Variants in HS3ST4 observed in about 807,000 individuals in gnomAD.
The protein encoded by HS3ST4 is heparan sulfate-glucosamine 3-sulfotransferase 4.
A neutral mutation model predicts 29.2 loss-of-function variants in HS3ST4; 17 were observed. That is an observed-to-expected ratio of 0.58 (90% CI 0.40 to 0.87). The LOEUF (loss-of-function observed/expected upper bound fraction) is 0.87. HS3ST4 is among the 40% of genes least tolerant of loss of function. HS3ST4 has a pLI of 0.00. For synonymous variants in HS3ST4, 314 were observed against 285.7 expected, an observed-to-expected ratio of 1.10 and a Z score of -1.00; for missense variants, 627 against 634.5, an observed-to-expected ratio of 0.99 and a Z score of 0.13.
chr16:26,018,298 G>A (rs1969379430), intron 1 of HS3ST4, among the ~76,000 whole-genome samples: 1 of 152,164 alleles, frequency 6.6e-6, no homozygotes, highest in African/African-American at 2.4e-5. Context: ...CAGGGACCAG[G>A]GTTTATATCT....
At chr16:26,091,631 T>C (rs1162004236) in intron 1 of HS3ST4, among the ~76,000 whole-genome samples, 1 of 152,166 alleles carries the variant, frequency 6.6e-6, no homozygotes, top group African/African-American at 2.4e-5. Flanking sequence ...CCAAGCCATA[T>C]ATATAGATAT....
At chr16:26,091,468 G>A (rs1214199996) in intron 1 of HS3ST4, among the ~76,000 whole-genome samples, 1 of 152,044 alleles carries the variant, frequency 6.6e-6, no homozygotes, top group Non-Finnish European at 1.5e-5. Context: ...TCTGCTTCTT[G>A]CCGTTCCAAG....
At chr16:26,081,668 A>T (rs557491091) in intron 1 of HS3ST4, among the ~76,000 whole-genome samples, 1 of 152,344 alleles carries the variant, frequency 6.6e-6, no homozygotes, top group Non-Finnish European at 1.5e-5. Context: ...CAGGTGAAGA[A>T]ATAAGAATGT....
chr16:26,047,001 G>T (rs572552684), intron 1 of HS3ST4, among the ~76,000 whole-genome samples: 5 of 151,912 alleles, frequency 3.3e-5, no homozygotes, highest in Admixed American at 6.5e-5. Context: ...TTCCTTTCTT[G>T]CAAAATAAAA....
At chr16:25,808,403 G>A (rs1967009443) in intron 1 of HS3ST4, among the ~76,000 whole-genome samples, 1 of 151,990 alleles carries the variant, frequency 6.6e-6, no homozygotes, top group Admixed American at 6.6e-5. Context: ...CTTTTTTTGT[G>A]CTGTTTTGAT....
chr16:25,942,389 T>C (rs183636108), intron 1 of HS3ST4, among the ~76,000 whole-genome samples: 2 of 152,296 alleles, frequency 1.3e-5, no homozygotes, highest in African/African-American at 2.4e-5. Context: ...ACATATCTTA[T>C]TATATTTCCT....
chr16:25,970,146 G>C (rs1248684271), intron 1 of HS3ST4, among the ~76,000 whole-genome samples: 1 of 152,228 alleles, frequency 6.6e-6, no homozygotes, highest in Non-Finnish European at 1.5e-5. Flanking sequence ...AGGTGCGAAT[G>C]CAAGGACAGG....
At chr16:25,766,585 A>G (rs1163473473) in intron 1 of HS3ST4, among the ~76,000 whole-genome samples, 1 of 152,224 alleles carries the variant, frequency 6.6e-6, no homozygotes, top group Non-Finnish European at 1.5e-5. Context: ...TCTATTAGTC[A>G]TCTGTGTGCA....
chr16:26,061,198 T>C (rs1247409335), intron 1 of HS3ST4, among the ~76,000 whole-genome samples: 1 of 152,230 alleles, frequency 6.6e-6, no homozygotes, highest in Non-Finnish European at 1.5e-5. Flanking sequence ...TTTCTCAGTC[T>C]AATTAAATCA....
chr16:25,837,715 TA>T (rs1271050337), intron 1 of HS3ST4, among the ~76,000 whole-genome samples: 205 of 150,458 alleles, frequency 1.4e-3, no homozygotes, highest in African/African-American at 3.4e-3. Context: ...TCTCACTCTT[TA>T]AAAAAAAAAT....
At chr16:25,779,581 C>A (rs1966850832) in intron 1 of HS3ST4, among the ~76,000 whole-genome samples, 1 of 152,168 alleles carries the variant, frequency 6.6e-6, no homozygotes, top group South Asian at 2.1e-4. Flanking sequence ...AACCGTCTAA[C>A]CTCAAAAGTG....
chr16:25,940,092 G>A (rs554963749), intron 1 of HS3ST4, among the ~76,000 whole-genome samples: 36 of 152,192 alleles, frequency 2.4e-4, no homozygotes, highest in Non-Finnish European at 3.4e-4. Flanking sequence ...GCTTTATTCC[G>A]ATTACATGGC....
chr16:26,067,637 T>G (rs539682821), intron 1 of HS3ST4, among the ~76,000 whole-genome samples: 3 of 152,206 alleles, frequency 2.0e-5, no homozygotes, highest in African/African-American at 7.2e-5. Flanking sequence ...TAACTAATAA[T>G]TAGGGAAGTT....
chr16:25,858,452 C>T (rs1385064629), intron 1 of HS3ST4, among the ~76,000 whole-genome samples: 2 of 152,174 alleles, frequency 1.3e-5, no homozygotes, highest in African/African-American at 2.4e-5. Context: ...GTAGGGCATT[C>T]ACTTTGTCTC....
chr16:25,822,088 G>A (rs1230996066), intron 1 of HS3ST4, among the ~76,000 whole-genome samples: 1 of 152,232 alleles, frequency 6.6e-6, no homozygotes, highest in East Asian at 1.9e-4. Flanking sequence ...TGAAATCTCT[G>A]TAGGTGAAAA....
chr16:25,944,007 CT>C (rs1968600177), intron 1 of HS3ST4, among the ~76,000 whole-genome samples: 1 of 152,146 alleles, frequency 6.6e-6, no homozygotes, highest in Admixed American at 6.6e-5. Flanking sequence ...CTGGGGAAAT[CT>C]TTCTTTAAGA....
chr16:25,917,105 C>T (rs1223823266), intron 1 of HS3ST4, among the ~76,000 whole-genome samples: 1 of 152,158 alleles, frequency 6.6e-6, no homozygotes, highest in Admixed American at 6.5e-5. Flanking sequence ...AACAATTTCT[C>T]TATGTAGGGG....
At chr16:25,985,428 A>T (rs747043149) in intron 1 of HS3ST4, among the ~76,000 whole-genome samples, 7 of 152,164 alleles carry the variant, frequency 4.6e-5, no homozygotes, top group Non-Finnish European at 8.8e-5. Context: ...TATCCCAGAG[A>T]TGCAAAGCAG....
At chr16:25,940,710 T>C (rs1330960803) in intron 1 of HS3ST4, among the ~76,000 whole-genome samples, 1 of 152,160 alleles carries the variant, frequency 6.6e-6, no homozygotes, top group East Asian at 1.9e-4. Flanking sequence ...TCCAGTTCTC[T>C]TGGGAGGTTG....
Sources: allele counts gnomAD v4.1 joint callset (sites outside exome capture counted in the v4.1 genomes callset), GRCh38; gene constraint gnomAD v4.1.1; transcripts MANE v1.5; gene names NCBI Gene and HGNC (gene_info 2026-07-23, HGNC 2026-07-21).